Variants in OR2C3 observed in about 807,000 individuals in gnomAD.
OR2C3 encodes the protein olfactory receptor 2C3.
For missense variants in OR2C3, 425 were observed against 401.5 expected, an observed-to-expected ratio of 1.06 and a Z score of -0.50; for synonymous variants, 178 against 163.4, an observed-to-expected ratio of 1.09 and a Z score of -0.68.
Position 247,532,416 on chromosome 1 carries a change from GACA to G in OR2C3, c.93_95del (p.Val32del). ...AGATCGATACCATGTAAAAACTCAAGACAACTATGAAGAGGACAGTTTCTAGTG... is the reference window on the plus strand; with the variant it reads ...AGATCGATACCATGTAAAAACTCAAGACTATGAAGAGGACAGTTTCTAGTG... On this transcript the variant is annotated inframe_deletion, in exon 3 of 3. Coordinates refer to ENST00000641802, the MANE Select transcript of OR2C3 (RefSeq NM_198074.6). 1 of 1,614,118 alleles carries G rather than the reference GACA, an allele frequency of 6.2e-7. No individual in the cohort carries two copies. Among genetic ancestry groups the G allele is most frequent in the Non-Finnish European group, 8.5e-7 (1 of 1,180,014 alleles).
chr1:247,534,705 T>TAAA (rs1029445435), intron 1 of OR2C3, among the ~76,000 whole-genome samples: 3 of 152,202 alleles, frequency 2.0e-5, no homozygotes, highest in African/African-American at 7.2e-5. Flanking sequence ...TGAACTTAAC[T>TAAA]ATCAGCCTTC....
rs201316551 is a variant in OR2C3, at chr1:247,532,450, C to T, written c.62G>A (p.Arg21Gln). ...GAAGAGGACAGTTTCTAGTGAGGGTCGTGTGGAGAAGCCCAGGAGGACAAA... is the reference window on the plus strand; with the variant it reads ...GAAGAGGACAGTTTCTAGTGAGGGTTGTGTGGAGAAGCCCAGGAGGACAAA... Reference protein sequence around the residue: ...EVFVLLGFSTRPSLETVLFIV... With the variant: ...EVFVLLGFSTQPSLETVLFIV... The change falls in exon 3 of 3, where the codon CGA (arginine) becomes CAA (glutamine). Residue 21 changes from arginine to glutamine, a missense_variant. Coordinates refer to ENST00000641802, the MANE Select transcript of OR2C3 (RefSeq NM_198074.6). 5.0e-6 allele frequency: 8 copies of T among 1,613,792 alleles called. No homozygotes were observed. The highest frequency in any genetic ancestry group is 1.7e-5 in the Admixed American group (1 of 60,020).
rs559648294 is a variant in OR2C3 at position 247,533,768 on chromosome 1, A to G, written c.-291T>C. ...ATTCTCATCTGAAGGCTCCTCTGTT[A>G]TGTAAAACTATGATCAAATAAATGT... On this transcript the variant is annotated 5_prime_UTR_variant, in exon 2 of 3. Transcript: ENST00000641802. 7 of 152,310 alleles carry G rather than the reference A, an allele frequency of 4.6e-5. No homozygotes were observed. The highest frequency in any genetic ancestry group is 1.2e-4 in the African/African-American group (5 of 41,564). 9.4% of individuals were successfully genotyped at this position (152,310 alleles called of 1,614,324 possible).
In OR2C3 at chr1:247,527,137, G is replaced by A; in HGVS notation, c.*4412C>T. 2.2e-6 allele frequency: 1 copy of A among 449,398 alleles called. No individual in the cohort carries two copies. Among genetic ancestry groups the A allele is most frequent in the Non-Finnish European group, 4.5e-6 (1 of 223,334 alleles). 27.8% of individuals were successfully genotyped at this position (449,398 alleles called of 1,614,324 possible). A position where few individuals can be genotyped will look rare whatever the true frequency, so the allele number is the denominator to read the frequency against. ...CTGTTAAGCATTTAGGGAGCAGTTG[G>A]GTGAGCACATGACCAATCAGCCTGA... is the stretch of plus-strand genomic sequence containing the variant. On this transcript the variant is annotated 3_prime_UTR_variant, in exon 3 of 3. Coordinates refer to ENST00000641802, the MANE Select transcript of OR2C3 (RefSeq NM_198074.6). The surrounding 1 kb of genome is among the most constrained non-coding windows in gnomAD (Gnocchi z 4.6).
rs764546736 is a variant in OR2C3 at position 247,530,521 on chromosome 1, C to CCCA, written c.*1027_*1028insTGG. On this transcript the variant is annotated 3_prime_UTR_variant, in exon 3 of 3. Coordinates refer to ENST00000641802, the MANE Select transcript of OR2C3 (RefSeq NM_198074.6). ...CAGTCCACAAACACCATGCCATCCC[C>CCCA]CCCCCACAAAATAACATTTCCTATG... 6.4e-5 allele frequency: 9 copies of CCCA among 140,050 alleles called. No individual in the cohort carries two copies. Among genetic ancestry groups the CCCA allele is most frequent in the Admixed American group, 3.5e-4 (5 of 14,410 alleles). 8.7% of individuals were successfully genotyped at this position (140,050 alleles called of 1,614,324 possible). A position where few individuals can be genotyped will look rare whatever the true frequency, so the allele number is the denominator to read the frequency against.
In OR2C3 at chr1:247,526,700, T is replaced by C. The variant is rs1158342961; in HGVS notation, c.*4849A>G. 1.1e-5 allele frequency: 4 copies of C among 351,778 alleles called. No homozygotes were observed. The highest frequency in any genetic ancestry group is 1.5e-4 in the East Asian group (2 of 13,122). The allele number at this position is 351,778 out of a possible 1,614,324, so 21.8% of individuals were successfully genotyped here. A position where few individuals can be genotyped will look rare whatever the true frequency, so the allele number is the denominator to read the frequency against. On this transcript the variant is annotated 3_prime_UTR_variant, in exon 3 of 3. Transcript: ENST00000641802. This position sits in a 1 kb window ranked among gnomAD's most constrained non-coding sequence, Gnocchi z 4.8. ...GAGGGTTCACAGAGCAGGTTTGGGA[T>C]GATCCAGGTTTTCTGTCCTGTGAGA...
intron 1 of OR2C3, among the ~76,000 whole-genome samples, chr1:247,534,216 A>G (rs1215105794): frequency 6.6e-6 from 1 of 152,166 alleles, no homozygotes; most frequent in East Asian, 1.9e-4. Flanking sequence ...GCTCCACTAG[A>G]TCATAAATTC....
chr1:247,533,810 A>G lies in OR2C3; in HGVS notation c.-333T>C, dbSNP rs977420437. 6.6e-5 allele frequency: 10 copies of G among 152,218 alleles called. No homozygotes were observed. The highest frequency in any genetic ancestry group is 6.5e-4 in the Admixed American group (10 of 15,286). 9.4% of individuals were successfully genotyped at this position (152,218 alleles called of 1,614,324 possible). A position where few individuals can be genotyped will look rare whatever the true frequency, so the allele number is the denominator to read the frequency against. ...AATAAATGTGTATGTCTTTTCTCCT[A>G]TGAATCTGCCATTTGTCAGTTGATT... On this transcript the variant is annotated 5_prime_UTR_variant, in exon 2 of 3. An upstream open reading frame in the 5' UTR loses its in-frame stop. Coordinates refer to ENST00000641802, the MANE Select transcript of OR2C3 (RefSeq NM_198074.6).
Position 247,526,352 on chromosome 1 carries a change from T to C in OR2C3, c.*5197A>G, listed in dbSNP as rs944829153. 1 of 152,294 alleles carries C rather than the reference T, an allele frequency of 6.6e-6. No homozygotes were observed. The highest frequency in any genetic ancestry group is 2.4e-5 in the African/African-American group (1 of 41,438). The allele number at this position is 152,294 out of a possible 1,614,324, so 9.4% of individuals were successfully genotyped here. On this transcript the variant is annotated 3_prime_UTR_variant, in exon 3 of 3. Coordinates refer to ENST00000641802, the MANE Select transcript of OR2C3 (RefSeq NM_198074.6). This position sits in a 1 kb window ranked among gnomAD's most constrained non-coding sequence, Gnocchi z 4.8. The stretch of plus-strand genomic sequence containing the variant: ...TTCTGACAGAAGCTGGAAGATAAAC[T>C]GGTGTGTGAGAAATTACCTTAGTCT...
chr1:247,533,458 C>G (rs57685910), intron 2 of OR2C3, 49 bp downstream of exon 2: 2 of 152,186 alleles, frequency 1.3e-5, no homozygotes, highest in African/African-American at 4.8e-5. Context: ...CTAACTTTCC[C>G]TCCACCTTTC....
rs1238050087 is a variant in OR2C3, at chr1:247,530,048, T to C, written c.*1501A>G. ...CTCTCTCCCCCTCAGGGTGTGTGTG[T>C]GTGTGTGTATTCTCTTTTACACATA... On this transcript the variant is annotated 3_prime_UTR_variant, in exon 3 of 3. Transcript: ENST00000641802. 1.3e-5 allele frequency: 2 copies of C among 152,080 alleles called. No individual in the cohort carries two copies. Among genetic ancestry groups the C allele is most frequent in the Non-Finnish European group, 2.9e-5 (2 of 68,030 alleles). The allele number at this position is 152,080 out of a possible 1,614,324, so 9.4% of individuals were successfully genotyped here. A position where few individuals can be genotyped will look rare whatever the true frequency, so the allele number is the denominator to read the frequency against.
rs1274225045 is a variant in OR2C3 at position 247,529,547 on chromosome 1, A to C, written c.*2002T>G. 4 of 152,144 alleles carry C rather than the reference A, an allele frequency of 2.6e-5. No homozygotes were observed. The highest frequency in any genetic ancestry group is 4.4e-5 in the Non-Finnish European group (3 of 68,020). 9.4% of individuals were successfully genotyped at this position (152,144 alleles called of 1,614,324 possible). ...ACCTGATACATGAGTCCAGAAACCA[A>C]CAAGACATGAGAGTGTCTCGTACAT... On this transcript the variant is annotated 3_prime_UTR_variant, in exon 3 of 3. Transcript: ENST00000641802.
Position 247,531,871 on chromosome 1 carries a change from A to C in OR2C3, c.641T>G (p.Leu214Arg). Reference sequence around the variant, plus strand: ...AATGTGGCCGTAAGAGACCAGGATGAGCCCCAGAGGCAGGACAACAAAGAC... The same window carrying C: ...AATGTGGCCGTAAGAGACCAGGATGCGCCCCAGAGGCAGGACAACAAAGAC... ...SFVFVVLPLG[L>R]ILVSYGHIAR... Residue 214 changes from leucine to arginine, a missense_variant, in exon 3 of 3, where the codon CTC becomes CGC. Transcript: ENST00000641802. 1 of 1,614,234 alleles carries C rather than the reference A, an allele frequency of 6.2e-7. No individual in the cohort carries two copies. Among genetic ancestry groups the C allele is most frequent in the South Asian group, 1.1e-5 (1 of 91,086 alleles).
Position 247,532,002 on chromosome 1 carries a change from A to T in OR2C3, c.510T>A (p.Cys170Ter). ...AGAAGTGGTCGATGCAATTGTTCCC[A>T]CACAGCGGTAGGAGCATGGTGAGCG... ...GSTLTMLLPLCGNNCIDHFFC... is the reference protein window; with the variant it reads ...GSTLTMLLPL Residue 170 changes from cysteine (C) to a stop codon, truncating the protein, a stop_gained, in exon 3 of 3, where the codon TGT (cysteine) becomes TGA (stop). Transcript: ENST00000641802. LOFTEE classifies it low-confidence loss of function (END_TRUNC). The T allele has an allele frequency of 1.2e-6, 2 of 1,614,118 alleles. No individual in the cohort carries two copies. The highest frequency in any genetic ancestry group is 8.5e-7 in the Non-Finnish European group (1 of 1,179,998).
At position 247,530,615 on chromosome 1, in the gene OR2C3, C is replaced by G. The variant is rs1400419922; in HGVS notation, c.*934G>C. The G allele has an allele frequency of 2.0e-5, 3 of 151,514 alleles. No individual in the cohort carries two copies. Among genetic ancestry groups the G allele is most frequent in the African/African-American group, 7.3e-5 (3 of 41,292 alleles). 9.4% of individuals were successfully genotyped at this position (151,514 alleles called of 1,614,324 possible). On this transcript the variant is annotated 3_prime_UTR_variant, in exon 3 of 3. Coordinates refer to ENST00000641802, the MANE Select transcript of OR2C3 (RefSeq NM_198074.6). ...CTCTAATTTTAACATGTATCAGGTA[C>G]TTCAGAACATCTAGAAGAAACAGAC...
chr1:247,534,395 G>C (rs1170263283), intron 1 of OR2C3, among the ~76,000 whole-genome samples: 25 of 152,194 alleles, frequency 1.6e-4, no homozygotes, highest in Admixed American at 1.6e-3. Flanking sequence ...TATGAAGGCA[G>C]AGTGGAAGGA....
chr1:247,531,237 C>A lies in OR2C3; in HGVS notation c.*312G>T, dbSNP rs1666938629. 8.6e-6 allele frequency: 3 copies of A among 348,288 alleles called. No individual in the cohort carries two copies. The highest frequency in any genetic ancestry group is 7.1e-5 in the South Asian group (2 of 27,994). 21.6% of individuals were successfully genotyped at this position (348,288 alleles called of 1,614,324 possible). On this transcript the variant is annotated 3_prime_UTR_variant, in exon 3 of 3. Transcript: ENST00000641802. The stretch of plus-strand genomic sequence containing the variant: ...TCAAAGTTTATTATCCACGGAGCGT[C>A]CTGGAATCCACCCGCTTCGGATACT...
rs778291353 is a variant in OR2C3 at position 247,532,043 on chromosome 1, TG to T, written c.468del (p.Ser157AlafsTer71). 2.2e-5 allele frequency: 36 copies of T among 1,613,998 alleles called. No individual in the cohort carries two copies. Among genetic ancestry groups the T allele is most frequent in the Non-Finnish European group, 3.1e-5 (36 of 1,179,996 alleles). On this transcript the variant is annotated frameshift_variant, in exon 3 of 3. Transcript: ENST00000641802. LOFTEE classifies it low-confidence loss of function (END_TRUNC). ...ALASWLGGLT[T>X]SMVGSTLTML... ...ATGGTGAGCGTGGAGCCCACCATGC[TG>T]GTGGTCAGACCCCCCAGCCAGGAGG...
intron 1 of OR2C3, among the ~76,000 whole-genome samples, chr1:247,535,508 A>T (rs1667185130): frequency 6.6e-6 from 1 of 152,202 alleles, no homozygotes; most frequent in Non-Finnish European, 1.5e-5. Flanking sequence ...AACAGGTTAA[A>T]CTGACAACTG....
Sources: allele counts gnomAD v4.1 joint callset (sites outside exome capture counted in the v4.1 genomes callset), GRCh38; gene constraint gnomAD v4.1.1; non-coding constraint Gnocchi (gnomAD v3.1); transcripts MANE v1.5; gene names NCBI Gene and HGNC (gene_info 2026-07-23, HGNC 2026-07-21).